AGPAT3: variants seen among roughly 807,000 people sequenced by gnomAD.
AGPAT3 encodes the protein 1-acyl-sn-glycerol-3-phosphate acyltransferase gamma.
Under a neutral mutation model 47.3 loss-of-function variants are expected in AGPAT3, and 5 were observed. The ratio of observed to expected loss-of-function variants is 0.11; its 90% confidence interval spans 0.06 to 0.22. The LOEUF is 0.22. Ranked by LOEUF, AGPAT3 falls within the 10% of genes least tolerant of loss-of-function variation. AGPAT3 has a pLI of 1.00. For synonymous variants in AGPAT3, 212 were observed against 208.3 expected (o/e 1.02, Z -0.15); for missense variants, 315 against 493.0 (o/e 0.64, Z 3.42).
At chr21:43,966,157 G>C (rs1228583206) in intron 3 of AGPAT3, 1 of 152,288 alleles carries the variant, frequency 6.6e-6, no homozygotes, top group South Asian at 2.1e-4. Context: ...CCGACAGCAA[G>C]GGAAAAGTGC....
chr21:43,897,947 C>T (rs1217820999), intron 1 of AGPAT3, among the ~76,000 whole-genome samples: 1 of 152,158 alleles, frequency 6.6e-6, no homozygotes, highest in African/African-American at 2.4e-5. Flanking sequence ...GAGACCAGCC[C>T]GGTCAACACG....
intron 2 of AGPAT3, among the ~76,000 whole-genome samples, chr21:43,927,868 G>T (rs1234633451): frequency 1.3e-5 from 2 of 152,228 alleles, no homozygotes; most frequent in African/African-American, 4.8e-5. Flanking sequence ...CTGCAGAGGG[G>T]CCTGGTGAGG....
intron 2 of AGPAT3, among the ~76,000 whole-genome samples, chr21:43,940,633 C>T (rs774245463): frequency 9.2e-5 from 14 of 152,356 alleles, no homozygotes; most frequent in Non-Finnish European, 1.9e-4. Context: ...TGTCCTGGGA[C>T]GGACAAGTGC....
chr21:43,873,387 G>A (rs181471212), intron 1 of AGPAT3, among the ~76,000 whole-genome samples: 3 of 152,308 alleles, frequency 2.0e-5, no homozygotes, highest in African/African-American at 7.2e-5. Flanking sequence ...TAAAGCACGC[G>A]CACCAGCAAA....
rs1324624478 is a variant in AGPAT3, at chr21:43,922,962, C to A, written c.-49+18943C>A. On this transcript the variant is annotated intron_variant, in intron 2 of 9. Transcript: ENST00000291572. The surrounding 1 kb of genome is among the most constrained non-coding windows in gnomAD (Gnocchi z 4.9). ...TGGGGTGCGAGCGTCTGTTCTGTGT[C>A]AGGAGTCCCTGTTTCTTTCTCCCCA... Among the ~76,000 whole-genome samples, 2 of 152,218 alleles carry A rather than the reference C, an allele frequency of 1.3e-5. No individual in the cohort carries two copies. The highest frequency in any genetic ancestry group is 1.3e-4 in the Admixed American group (2 of 15,288).
intron 2 of AGPAT3, among the ~76,000 whole-genome samples, chr21:43,937,404 C>T (rs78746848): frequency 0.19 from 29,128 of 152,186 alleles, 3,655 homozygotes; most frequent in Non-Finnish European, 0.28. Flanking sequence ...GGCGGAGGCG[C>T]GCAAGGCCCC....
chr21:43,973,525 A>G (rs1362976797), intron 7 of AGPAT3, among the ~76,000 whole-genome samples: 2 of 152,210 alleles, frequency 1.3e-5, no homozygotes, highest in Admixed American at 1.3e-4. Context: ...CCACCCGCCA[A>G]GCTGCACGGC....
Position 43,969,012 on chromosome 21 carries a change from C to T in AGPAT3, c.349-106C>T, listed in dbSNP as rs1024744330. ...CCCCCTGAGCCACAAAGCCGTGACT[C>T]CTAGAGCGACACCACACAGGAGCTG... is the stretch of plus-strand genomic sequence containing the variant. On this transcript the variant is annotated intron_variant, in intron 4 of 9. Coordinates refer to ENST00000291572, the MANE Select transcript of AGPAT3 (RefSeq NM_020132.5). 4.7e-6 allele frequency: 6 copies of T among 1,272,380 alleles called. No individual in the cohort carries two copies. In the African/African-American group the frequency reaches 7.4e-5, roughly 16 times the overall value. The allele number at this position is 1,272,380 out of a possible 1,614,324, so 78.8% of individuals were successfully genotyped here. A position where few individuals can be genotyped will look rare whatever the true frequency, so the allele number is the denominator to read the frequency against.
At chr21:43,953,989 T>G (rs952461445) in intron 2 of AGPAT3, among the ~76,000 whole-genome samples, 11 of 152,310 alleles carry the variant, frequency 7.2e-5, no homozygotes, top group Non-Finnish European at 1.5e-4. Context: ...CAGAGTGATA[T>G]TCTGTCTCTA....
At chr21:43,899,751 G>A (rs908027424) in intron 1 of AGPAT3, among the ~76,000 whole-genome samples, 1 of 152,222 alleles carries the variant, frequency 6.6e-6, no homozygotes, top group Non-Finnish European at 1.5e-5. Context: ...GTGTGTGTGT[G>A]CAGCAGCTGC....
intron 1 of AGPAT3, among the ~76,000 whole-genome samples, chr21:43,888,861 C>T (rs1464159038): frequency 2.6e-5 from 4 of 152,044 alleles, no homozygotes; most frequent in African/African-American, 4.8e-5. Flanking sequence ...TGGTGGCATG[C>T]GCCTGTAATA....
chr21:43,919,164 CT>C (rs900609090), intron 2 of AGPAT3, among the ~76,000 whole-genome samples: 7 of 151,168 alleles, frequency 4.6e-5, no homozygotes, highest in Admixed American at 2.6e-4. Context: ...TCTCTATTTT[CT>C]TTTTTTTTAA....
chr21:43,985,645 T>A lies in AGPAT3; in HGVS notation c.*3253T>A, dbSNP rs2030213453. On this transcript the variant is annotated 3_prime_UTR_variant, in exon 10 of 10. Transcript: ENST00000291572. ...TTGTGACTACCGGTTGGGGTCAGAT[T>A]TGGGGTGAAGAATGAGTAAGTTTCT... 4.6e-6 allele frequency: 1 copy of A among 215,968 alleles called. No homozygotes were observed. Among genetic ancestry groups the A allele is most frequent in the Admixed American group, 5.3e-5 (1 of 18,896 alleles). The allele number at this position is 215,968 out of a possible 1,614,324, so 13.4% of individuals were successfully genotyped here.
At position 43,987,371 on chromosome 21, in the gene AGPAT3, AAC is replaced by A. The variant is rs377688801; in HGVS notation, c.*4983_*4984del. On this transcript the variant is annotated 3_prime_UTR_variant, in exon 10 of 10. Coordinates refer to ENST00000291572, the MANE Select transcript of AGPAT3 (RefSeq NM_020132.5). ...AAAAGGAGAGCGGTCACCTGGCAAA[AAC>A]ACAGGGGAAATCAGCCAGTCCACAA... Among the ~76,000 whole-genome samples the A allele has an allele frequency of 1.2e-4, 19 of 152,306 alleles. No individual in the cohort carries two copies. Among genetic ancestry groups the A allele is most frequent in the African/African-American group, 4.3e-4 (18 of 41,564 alleles).
At chr21:43,915,436 C>T (rs2086707098) in intron 2 of AGPAT3, among the ~76,000 whole-genome samples, 1 of 67,600 alleles carries the variant, frequency 1.5e-5, no homozygotes, top group Non-Finnish European at 2.6e-5. Context: ...TTTTTTGCGA[C>T]AGTCTGGTTC....
At chr21:43,937,469 C>T (rs1019957297) in intron 2 of AGPAT3, among the ~76,000 whole-genome samples, 1 of 152,238 alleles carries the variant, frequency 6.6e-6, no homozygotes, top group Non-Finnish European at 1.5e-5. Context: ...CCACTGCAGG[C>T]CTGTCTCCTT....
intron 1 of AGPAT3, among the ~76,000 whole-genome samples, chr21:43,868,005 C>T (rs1406418431): frequency 6.6e-6 from 1 of 152,184 alleles, no homozygotes; most frequent in East Asian, 1.9e-4. Context: ...AATTTCAAAG[C>T]GCTGCATTTT....
intron 7 of AGPAT3, among the ~76,000 whole-genome samples, chr21:43,976,762 G>A (rs73906696): frequency 0.05 from 7,552 of 152,122 alleles, 540 homozygotes; most frequent in African/African-American, 0.15. Context: ...TTTCTTAACT[G>A]CCCAGAGGGA....
At position 43,939,035 on chromosome 21, in the gene AGPAT3, C is replaced by T. The variant is rs1830760905; in HGVS notation, c.-48-20599C>T. 6.6e-6 allele frequency among the ~76,000 whole-genome samples: 1 copy of T among 152,210 alleles called. No homozygotes were observed. The highest frequency in any genetic ancestry group is 6.5e-5 in the Admixed American group (1 of 15,290). ...TTCCCACCTCTCAGTCCACAGTTTCCCACAGAGCACGCAGGGGCCGCACCA... is the reference window on the plus strand; with the variant it reads ...TTCCCACCTCTCAGTCCACAGTTTCTCACAGAGCACGCAGGGGCCGCACCA... On this transcript the variant is annotated intron_variant, in intron 2 of 9. Coordinates refer to ENST00000291572, the MANE Select transcript of AGPAT3 (RefSeq NM_020132.5). The surrounding 1 kb of genome is among the most constrained non-coding windows in gnomAD (Gnocchi z 4.4).
Sources: allele counts gnomAD v4.1 joint callset (sites outside exome capture counted in the v4.1 genomes callset), GRCh38; gene constraint gnomAD v4.1.1; non-coding constraint Gnocchi (gnomAD v3.1); transcripts MANE v1.5; gene names NCBI Gene and HGNC (gene_info 2026-07-23, HGNC 2026-07-21).